The following NRCAM variants were observed in gnomAD, a reference collection of about 807,000 sequenced individuals.
NRCAM encodes the protein NgCAM-related cell adhesion molecule.
Under a neutral mutation model 156.5 loss-of-function variants are expected in NRCAM, and 83 were observed. That is an observed-to-expected ratio of 0.53 (90% confidence interval 0.44 to 0.64). The LOEUF (loss-of-function observed/expected upper bound fraction) is 0.64. NRCAM is among the 30% of genes least tolerant of loss of function. NRCAM has a pLI of 0.00. For missense variants in NRCAM, 1,417 were observed against 1,597.3 expected (o/e 0.89, Z 1.92); for synonymous variants, 538 against 563.9 (o/e 0.95, Z 0.65).
chr7:108,152,738 C>T (rs778037337), intron 32 of NRCAM, among the ~76,000 whole-genome samples: 19 of 152,034 alleles, frequency 1.2e-4, no homozygotes, highest in African/African-American at 3.6e-4. Context: ...AGAGACCGCG[C>T]GGCCTGTAAA....
chr7:108,368,283 C>A (rs1301198142), intron 2 of NRCAM, among the ~76,000 whole-genome samples: 1 of 141,108 alleles, frequency 7.1e-6, no homozygotes, highest in Non-Finnish European at 1.5e-5. Context: ...AGCCCTGAAA[C>A]ATGGTTTCTA....
intron 7 of NRCAM, among the ~76,000 whole-genome samples, chr7:108,231,708 T>C (rs1287250852): frequency 1.2e-4 from 18 of 152,212 alleles, no homozygotes; most frequent in Admixed American, 1.1e-3. Flanking sequence ...TTTCCTTGAA[T>C]GGAAGGATTC....
At chr7:108,255,227 G>C (rs1466026406) in intron 3 of NRCAM, among the ~76,000 whole-genome samples, 6 of 145,024 alleles carry the variant, frequency 4.1e-5, no homozygotes, top group Non-Finnish European at 8.9e-5. Context: ...GCAGAGGCTG[G>C]ACTGTACTGC....
At chr7:108,355,200 G>A (rs1347247598) in intron 2 of NRCAM, among the ~76,000 whole-genome samples, 1 of 152,060 alleles carries the variant, frequency 6.6e-6, no homozygotes, top group African/African-American at 2.4e-5. Context: ...ACATATTAAA[G>A]AGCAAAGGGA....
intron 17 of NRCAM, 144 bp downstream of exon 17, chr7:108,193,880 G>A (rs1314618221): frequency 9.5e-6 from 7 of 734,524 alleles, no homozygotes; most frequent in Non-Finnish European, 1.5e-5. Context: ...TTACAGTAGG[G>A]AGAAAATGCT....
At chr7:108,361,843 GTGTATATACGTA>G (rs2099553840) in intron 2 of NRCAM, among the ~76,000 whole-genome samples, 1 of 151,950 alleles carries the variant, frequency 6.6e-6, no homozygotes, top group Non-Finnish European at 1.5e-5. Context: ...TATTACATAT[GTGTATATACGTA>G]TATGTATTAT....
rs1256864592 is a variant in NRCAM at position 108,148,976 on chromosome 7, A to G, written c.*934T>C. The stretch of plus-strand genomic sequence containing the variant: ...CAGTTTTCATGAACTCTGCTTTTTA[A>G]AAGTTACTTTTAGACAATGACAGTA... On this transcript the variant is annotated 3_prime_UTR_variant, in exon 33 of 33. Coordinates refer to ENST00000379028, the MANE Select transcript of NRCAM (RefSeq NM_001037132.4). The G allele has an allele frequency of 2.0e-5, 3 of 152,594 alleles. No homozygotes were observed. The highest frequency in any genetic ancestry group is 2.9e-5 in the Non-Finnish European group (2 of 68,018). The allele number at this position is 152,594 out of a possible 1,614,324, so 9.5% of individuals were successfully genotyped here. A position where few individuals can be genotyped will look rare whatever the true frequency, so the allele number is the denominator to read the frequency against.
intron 1 of NRCAM, among the ~76,000 whole-genome samples, chr7:108,445,083 T>A (rs1265305175): frequency 6.6e-6 from 1 of 152,246 alleles, no homozygotes; most frequent in Non-Finnish European, 1.5e-5. Flanking sequence ...AATGGTTTCA[T>A]GCTTTATTGG....
At chr7:108,412,051 A>C (rs1796047958) in intron 1 of NRCAM, among the ~76,000 whole-genome samples, 1 of 152,236 alleles carries the variant, frequency 6.6e-6, no homozygotes, top group Non-Finnish European at 1.5e-5. Context: ...TTTGATAAAA[A>C]ATATCAAATT....
intron 24 of NRCAM, among the ~76,000 whole-genome samples, 171 bp from the exon 25 acceptor site, chr7:108,180,598 A>G (rs1301608315): frequency 6.6e-6 from 1 of 152,246 alleles, no homozygotes; most frequent in Admixed American, 6.5e-5. Flanking sequence ...ATAGAAGCCC[A>G]TAGATCATGA....
intron 19 of NRCAM, among the ~76,000 whole-genome samples, chr7:108,190,614 G>C (rs908618821): frequency 9.2e-5 from 14 of 152,086 alleles, no homozygotes; most frequent in African/African-American, 3.1e-4. Flanking sequence ...TTGACGTACT[G>C]AATAAAGATG....
intron 2 of NRCAM, among the ~76,000 whole-genome samples, chr7:108,334,254 C>T (rs1305329765): frequency 2.6e-5 from 4 of 152,160 alleles, no homozygotes; most frequent in Non-Finnish European, 4.4e-5. Flanking sequence ...CCTTTACATG[C>T]TGCAGAACTG....
intron 3 of NRCAM, among the ~76,000 whole-genome samples, chr7:108,296,483 T>C (rs1242369949): frequency 6.6e-6 from 1 of 152,040 alleles, no homozygotes; most frequent in Non-Finnish European, 1.5e-5. Flanking sequence ...GTCTGATATG[T>C]GACTGAAGCA....
chr7:108,357,384 G>T (rs1255006530), intron 2 of NRCAM, among the ~76,000 whole-genome samples: 2 of 150,360 alleles, frequency 1.3e-5, no homozygotes, highest in Non-Finnish European at 3.0e-5. Context: ...CCCAGGCTGG[G>T]GTGCAATGGC....
At chr7:108,302,677 T>C (rs979489492) in intron 3 of NRCAM, among the ~76,000 whole-genome samples, 4 of 152,170 alleles carry the variant, frequency 2.6e-5, no homozygotes, top group African/African-American at 9.7e-5. Flanking sequence ...ACCTGTAGTT[T>C]TGGGATCTCA....
intron 3 of NRCAM, among the ~76,000 whole-genome samples, chr7:108,286,456 T>G (rs1489623219): frequency 6.7e-6 from 1 of 149,330 alleles, no homozygotes; most frequent in African/African-American, 2.5e-5. Flanking sequence ...GGCGAACAAG[T>G]AAGAGTAGGG....
chr7:108,187,326 T>C (rs1033379391), intron 20 of NRCAM, among the ~76,000 whole-genome samples: 2 of 152,186 alleles, frequency 1.3e-5, no homozygotes, highest in African/African-American at 2.4e-5. Flanking sequence ...TTTCCCTTTT[T>C]CATTTCACTG....
At chr7:108,289,522 A>C (rs954741393) in intron 3 of NRCAM, among the ~76,000 whole-genome samples, 1 of 152,152 alleles carries the variant, frequency 6.6e-6, no homozygotes, top group Non-Finnish European at 1.5e-5. Context: ...ATTTTGACTA[A>C]CATCTGTTTA....
chr7:108,254,674 A>C (rs915918467), intron 3 of NRCAM, among the ~76,000 whole-genome samples: 3 of 151,114 alleles, frequency 2.0e-5, no homozygotes, highest in Admixed American at 1.3e-4. Flanking sequence ...CAGCCTCCCA[A>C]GTAGGTGGGA....
Sources: allele counts gnomAD v4.1 joint callset (sites outside exome capture counted in the v4.1 genomes callset), GRCh38; gene constraint gnomAD v4.1.1; transcripts MANE v1.5; gene names NCBI Gene and HGNC (gene_info 2026-07-23, HGNC 2026-07-21).